The following PRKG1 variants were observed in gnomAD, a reference collection of about 807,000 sequenced individuals.
PRKG1 encodes cGMP-dependent protein kinase 1.
PRKG1 carries 35 observed loss-of-function variants against 88.1 expected under a neutral mutation model. That is an observed-to-expected ratio of 0.40 (90% confidence interval 0.30 to 0.53). The LOEUF is 0.53. Among genes scored for constraint, PRKG1 ranks in the 20% least tolerant of loss-of-function variants. PRKG1 has a pLI of 0.59. For missense variants in PRKG1, 540 were observed against 839.8 expected, an observed-to-expected ratio of 0.64 and a Z score of 4.41; for synonymous variants, 303 against 292.5, an observed-to-expected ratio of 1.04 and a Z score of -0.37.
chr10:51,196,710 G>A (rs556780059), intron 2 of PRKG1, among the ~76,000 whole-genome samples: 1 of 152,256 alleles, frequency 6.6e-6, no homozygotes, highest in East Asian at 1.9e-4. Context: ...TTCAGGTGTG[G>A]ATAGGTGTGA....
In PRKG1 at chr10:51,697,679, C is replaced by T. The variant is rs759639363; in HGVS notation, c.593-106906C>T. The stretch of plus-strand genomic sequence containing the variant: ...ACAGAATAAAATTTGAGACTACAGC[C>T]AAATATTTTCTAAAACCTTTCAAGA... On this transcript the variant is annotated intron_variant, in intron 3 of 17. Transcript: ENST00000373980. 4 of 1,611,556 alleles carry T rather than the reference C, an allele frequency of 2.5e-6. No homozygotes were observed. In the South Asian group the frequency reaches 4.4e-5, roughly 18 times the overall value.
At chr10:51,077,805 C>A (rs555993020) in intron 1 of PRKG1, among the ~76,000 whole-genome samples, 1 of 152,252 alleles carries the variant, frequency 6.6e-6, no homozygotes, top group South Asian at 2.1e-4. Context: ...AATCTGTATT[C>A]CACTGCTACC....
At chr10:51,157,651 G>A (rs1295365802) in intron 2 of PRKG1, among the ~76,000 whole-genome samples, 1 of 151,656 alleles carries the variant, frequency 6.6e-6, no homozygotes, top group Non-Finnish European at 1.5e-5. Flanking sequence ...TATAATGATT[G>A]ATTTGCTTAG....
rs74133925 is a variant in PRKG1 at position 50,995,833 on chromosome 10, C to T, written c.266+4189C>T. On this transcript the variant is annotated intron_variant, in intron 1 of 17. Transcript: ENST00000401604. Reference sequence around the variant, plus strand: ...CCAGACACATTTGAGTTATTCTTGTCATGAATCGCTTGATTCTTGATAATG... The same window carrying T: ...CCAGACACATTTGAGTTATTCTTGTTATGAATCGCTTGATTCTTGATAATG... 4.2e-3 allele frequency among the ~76,000 whole-genome samples: 638 copies of T among 152,302 alleles called. 1 individual carries two copies. The highest frequency in any genetic ancestry group is 0.014 in the African/African-American group (570 of 41,572).
At chr10:51,814,378 A>C (rs1480432493) in intron 4 of PRKG1, among the ~76,000 whole-genome samples, 1 of 152,196 alleles carries the variant, frequency 6.6e-6, no homozygotes, top group African/African-American at 2.4e-5. Flanking sequence ...TATCATTTAC[A>C]AAAAGAGATG....
chr10:51,785,369 T>C (rs980637264), intron 3 of PRKG1, among the ~76,000 whole-genome samples: 1 of 152,050 alleles, frequency 6.6e-6, no homozygotes, highest in African/African-American at 2.4e-5. Context: ...TTTGTTACTG[T>C]TTCCTGGTTG....
chr10:52,012,444 G>A (rs373275240), intron 5 of PRKG1, among the ~76,000 whole-genome samples: 25 of 151,962 alleles, frequency 1.6e-4, no homozygotes, highest in African/African-American at 4.1e-4. Context: ...GGGTTTCACC[G>A]TGTTAGCCAG....
At chr10:51,638,652 T>C (rs1163967978) in intron 3 of PRKG1, among the ~76,000 whole-genome samples, 2 of 152,140 alleles carry the variant, frequency 1.3e-5, no homozygotes, top group Non-Finnish European at 2.9e-5. Flanking sequence ...TAATATGGAA[T>C]ATAAAGCACA....
intron 7 of PRKG1, among the ~76,000 whole-genome samples, chr10:52,089,952 C>T (rs902076326): frequency 2.0e-5 from 3 of 151,762 alleles, no homozygotes; most frequent in East Asian, 2.0e-4. Flanking sequence ...GTAGCTGGAA[C>T]TACAGGCATG....
intron 3 of PRKG1, among the ~76,000 whole-genome samples, chr10:51,499,218 A>G (rs552395001): frequency 6.6e-6 from 1 of 152,316 alleles, no homozygotes; most frequent in Admixed American, 6.5e-5. Context: ...TGCTGTGGTC[A>G]AAGATACTTG....
intron 5 of PRKG1, among the ~76,000 whole-genome samples, chr10:51,982,732 G>A (rs1844042994): frequency 6.6e-6 from 1 of 152,140 alleles, no homozygotes; most frequent in Non-Finnish European, 1.5e-5. Context: ...ACTCCAATGG[G>A]TAGTGTCAGC....
At chr10:51,249,135 G>A (rs1231526615) in intron 2 of PRKG1, among the ~76,000 whole-genome samples, 1 of 151,602 alleles carries the variant, frequency 6.6e-6, no homozygotes, top group Non-Finnish European at 1.5e-5. Context: ...TAAAATAGCA[G>A]CCATGGTTAA....
intron 7 of PRKG1, among the ~76,000 whole-genome samples, chr10:52,122,362 T>C (rs1389641445): frequency 1.3e-5 from 2 of 152,216 alleles, no homozygotes; most frequent in Non-Finnish European, 2.9e-5. Flanking sequence ...AGTGATTAAG[T>C]TTCCAAGACA....
At chr10:51,045,744 A>G (rs1394406069) in intron 1 of PRKG1, among the ~76,000 whole-genome samples, 1 of 152,224 alleles carries the variant, frequency 6.6e-6, no homozygotes, top group South Asian at 2.1e-4. Flanking sequence ...ATGTCATAAA[A>G]TATTTTCTAC....
intron 7 of PRKG1, among the ~76,000 whole-genome samples, chr10:52,115,176 A>G (rs1410031546): frequency 2.6e-5 from 4 of 152,136 alleles, no homozygotes; most frequent in African/African-American, 9.7e-5. Context: ...TCTAAGGACA[A>G]AAAAAGAAAA....
At chr10:51,717,991 C>T (rs1287315095) in intron 3 of PRKG1, among the ~76,000 whole-genome samples, 6 of 152,180 alleles carry the variant, frequency 3.9e-5, no homozygotes, top group Admixed American at 1.3e-4. Context: ...TTAGTCCTCC[C>T]CTTCATTCAT....
intron 4 of PRKG1, among the ~76,000 whole-genome samples, chr10:51,855,252 T>G (rs1467870888): frequency 6.6e-6 from 1 of 152,194 alleles, no homozygotes; most frequent in Non-Finnish European, 1.5e-5. Context: ...GAGTCATGAC[T>G]TGTCCCCTGT....
At chr10:51,691,374 C>G (rs1002286977) in intron 3 of PRKG1, among the ~76,000 whole-genome samples, 1 of 149,352 alleles carries the variant, frequency 6.7e-6, no homozygotes, top group Non-Finnish European at 1.5e-5. Flanking sequence ...GTGGCGAGAT[C>G]CCGGCTCACT....
At chr10:52,168,146 G>A (rs1331898494) in intron 9 of PRKG1, among the ~76,000 whole-genome samples, 3 of 152,190 alleles carry the variant, frequency 2.0e-5, no homozygotes, top group Non-Finnish European at 2.9e-5. Flanking sequence ...AAATAGATAA[G>A]TTTCTTGCCT....
Sources: allele counts gnomAD v4.1 joint callset (sites outside exome capture counted in the v4.1 genomes callset), GRCh38; gene constraint gnomAD v4.1.1; transcripts MANE v1.5; gene names NCBI Gene and HGNC (gene_info 2026-07-23, HGNC 2026-07-21).